The following TTC17 variants were observed in gnomAD, a reference collection of about 807,000 sequenced individuals.
TTC17 encodes tetratricopeptide repeat domain 17.
Under a neutral mutation model 143.8 loss-of-function variants are expected in TTC17, and 58 were observed. That is an observed-to-expected ratio of 0.40 (90% CI 0.33 to 0.50). The LOEUF is 0.50. Among genes scored for constraint, TTC17 ranks in the 20% least tolerant of loss-of-function variants. The pLI, the probability that TTC17 is intolerant of heterozygous loss-of-function variation, is 0.49. For synonymous variants in TTC17, 501 were observed against 497.8 expected (o/e 1.01, Z -0.09); for missense variants, 1,273 against 1,392.5 (o/e 0.91, Z 1.37).
At chr11:43,428,781 C>G (rs1057092290) in intron 16 of TTC17, among the ~76,000 whole-genome samples, 1 of 152,226 alleles carries the variant, frequency 6.6e-6, no homozygotes, top group Non-Finnish European at 1.5e-5. Flanking sequence ...GGAAAACACA[C>G]ACACATACAC....
chr11:43,459,938 G>A (rs1947833456), intron 21 of TTC17, among the ~76,000 whole-genome samples: 1 of 152,170 alleles, frequency 6.6e-6, no homozygotes, highest in Admixed American at 6.5e-5. Context: ...TATGATGTAT[G>A]GTAGGTTACG....
intron 2 of TTC17, among the ~76,000 whole-genome samples, chr11:43,381,645 T>G (rs1355021603): frequency 1.3e-5 from 2 of 152,228 alleles, no homozygotes; most frequent in African/African-American, 4.8e-5. Flanking sequence ...TTCAGTTTCC[T>G]GAATATCATT....
chr11:43,433,983 T>C (rs1947219983), intron 16 of TTC17, among the ~76,000 whole-genome samples: 1 of 152,176 alleles, frequency 6.6e-6, no homozygotes, highest in African/African-American at 2.4e-5. Context: ...AGTTGGTTGA[T>C]GTCATTATTC....
intron 21 of TTC17, among the ~76,000 whole-genome samples, chr11:43,474,381 T>TA (rs1472039455): frequency 6.6e-6 from 1 of 152,188 alleles, no homozygotes; most frequent in Non-Finnish European, 1.5e-5. Context: ...GACTAAATCT[T>TA]AAAAATATTT....
At chr11:43,484,557 T>C (rs1184972411) in intron 21 of TTC17, among the ~76,000 whole-genome samples, 1 of 152,206 alleles carries the variant, frequency 6.6e-6, no homozygotes, top group Non-Finnish European at 1.5e-5. Flanking sequence ...AATGCTATTA[T>C]AATCAAAGTA....
intron 16 of TTC17, among the ~76,000 whole-genome samples, chr11:43,429,698 GAAAT>G (rs147645866): frequency 0.037 from 5,663 of 152,244 alleles, 152 homozygotes; most frequent in South Asian, 0.11. Flanking sequence ...ATTTCCAAAA[GAAAT>G]CATTTTTAAA....
At chr11:43,396,918 A>G (rs983378182) in intron 6 of TTC17, 100 bp downstream of exon 6, 1 of 558,224 alleles carries the variant, frequency 1.8e-6, no homozygotes, top group Admixed American at 3.5e-5. Context: ...TGCATTATAT[A>G]CTTTTCTCCA....
At chr11:43,389,232 A>C (rs1464920206) in intron 2 of TTC17, among the ~76,000 whole-genome samples, 1 of 152,122 alleles carries the variant, frequency 6.6e-6, no homozygotes, top group Non-Finnish European at 1.5e-5. Flanking sequence ...TTGTCTGTAC[A>C]TTTGAAAAAA....
intron 21 of TTC17, among the ~76,000 whole-genome samples, chr11:43,471,730 A>G (rs929541033): frequency 1.3e-5 from 2 of 152,344 alleles, no homozygotes; most frequent in African/African-American, 4.8e-5. Flanking sequence ...AAGTAATAAT[A>G]CGTATTTTCA....
Position 43,389,834 on chromosome 11 carries a change from T to C in TTC17, c.419+13T>C, listed in dbSNP as rs774207437. ...GCAAAGACATCAGGTAAAGAAGTTC[T>C]CTTTCCAAAAATAAAATTGCTGTTT... On this transcript the variant is annotated intron_variant, in intron 3 of 23. Transcript: ENST00000039989. The C allele has an allele frequency of 1.3e-6, 2 of 1,565,622 alleles. No individual in the cohort carries two copies. The highest frequency in any genetic ancestry group is 1.2e-5 in the South Asian group (1 of 84,284).
chr11:43,370,984 TAG>T (rs1053062154), intron 1 of TTC17, among the ~76,000 whole-genome samples: 1 of 140,326 alleles, frequency 7.1e-6, no homozygotes, highest in Non-Finnish European at 1.5e-5. Context: ...ACTGTTTTTG[TAG>T]AGATGGGGTT....
At chr11:43,399,563 C>T (rs1205164909) in intron 8 of TTC17, among the ~76,000 whole-genome samples, 1 of 151,860 alleles carries the variant, frequency 6.6e-6, no homozygotes, top group East Asian at 1.9e-4. Context: ...AGATACTCCC[C>T]AGGAGACTGA....
intron 21 of TTC17, chr11:43,468,282 A>T (rs555229291): frequency 6.6e-6 from 1 of 152,378 alleles, no homozygotes; most frequent in South Asian, 2.1e-4. Flanking sequence ...ATCATTATGT[A>T]TGTTATTGGC....
At chr11:43,445,524 A>G (rs1219584997) in intron 18 of TTC17, among the ~76,000 whole-genome samples, 1 of 152,224 alleles carries the variant, frequency 6.6e-6, no homozygotes, top group African/African-American at 2.4e-5. Context: ...TTTATAAACA[A>G]AAAACTAAAA....
intron 21 of TTC17, among the ~76,000 whole-genome samples, chr11:43,473,391 A>G (rs978719979): frequency 6.6e-6 from 1 of 152,202 alleles, no homozygotes; most frequent in Non-Finnish European, 1.5e-5. Context: ...TATTAGTTTA[A>G]AACAGAAAGG....
At chr11:43,418,107 A>T (rs1030906965) in intron 16 of TTC17, among the ~76,000 whole-genome samples, 2 of 152,200 alleles carry the variant, frequency 1.3e-5, no homozygotes, top group Non-Finnish European at 1.5e-5. Flanking sequence ...TGCTAAAAAA[A>T]TTTTTTTGTA....
At chr11:43,365,589 T>C (rs563682911) in intron 1 of TTC17, among the ~76,000 whole-genome samples, 4 of 152,314 alleles carry the variant, frequency 2.6e-5, no homozygotes, top group East Asian at 3.9e-4. Context: ...TTCTTAACTT[T>C]GTTGTTTTTG....
intron 10 of TTC17, 25 bp from the exon 11 acceptor site, chr11:43,403,973 T>C: frequency 6.4e-7 from 1 of 1,565,934 alleles, no homozygotes; most frequent in South Asian, 1.2e-5. Flanking sequence ...TTCAATTTGA[T>C]TGAACTTTTT....
intron 16 of TTC17, among the ~76,000 whole-genome samples, chr11:43,418,924 T>A (rs1946838555): frequency 6.6e-6 from 1 of 152,226 alleles, no homozygotes; most frequent in East Asian, 1.9e-4. Flanking sequence ...TTTCTACTAC[T>A]AAAGTAATCT....
Sources: gnomAD v4.1 joint callset for allele counts (sites outside exome capture counted in the v4.1 genomes callset) on GRCh38, gnomAD v4.1.1 for gene constraint, MANE v1.5 for transcripts, NCBI Gene and HGNC (gene_info 2026-07-23, HGNC 2026-07-21) for gene names.